The following NFIA variants were observed in gnomAD, a reference collection of about 807,000 sequenced individuals.
The protein encoded by NFIA is nuclear factor I A.
In NFIA, 8 loss-of-function variants were observed where a neutral mutation model predicts 62.8. That is an observed-to-expected ratio of 0.13 (90% CI 0.07 to 0.23). NFIA has a LOEUF of 0.23. NFIA is among the 10% of genes least tolerant of loss of function. NFIA has a pLI of 1.00. For synonymous variants in NFIA, 235 were observed against 238.1 expected (o/e 0.99, Z 0.12); for missense variants, 410 against 642.1 (o/e 0.64, Z 3.91).
intron 10 of NFIA, among the ~76,000 whole-genome samples, chr1:61,451,219 T>C (rs968224492): frequency 5.3e-5 from 8 of 152,294 alleles, no homozygotes; most frequent in Admixed American, 5.2e-4. Flanking sequence ...CCCAGCGGAA[T>C]GGGATTCGAA....
intron 1 of NFIA, 122 bp downstream of exon 1, chr1:61,082,940 G>T: frequency 1.1e-6 from 1 of 896,200 alleles, no homozygotes; most frequent in Admixed American, 4.6e-5. Context: ...CTCGGTGTGT[G>T]TCTGTGTCTG....
At chr1:61,175,292 C>T (rs1199466777) in intron 2 of NFIA, among the ~76,000 whole-genome samples, 1 of 152,072 alleles carries the variant, frequency 6.6e-6, no homozygotes, top group Non-Finnish European at 1.5e-5. Context: ...CAAGCTCGCA[C>T]CACCACACCC....
Position 61,462,026 on chromosome 1 carries a change from T to TG in NFIA, c.*6706_*6707insG, listed in dbSNP as rs1337410224. 834 of 77,012 alleles carry TG rather than the reference T, an allele frequency of 0.011. 10 individuals are homozygous for TG. The highest frequency in any genetic ancestry group is 0.03 in the African/African-American group (787 of 25,952). 4.8% of individuals were successfully genotyped at this position (77,012 alleles called of 1,614,324 possible). ...AGTCTGTAAGTTAGCCTTTTTGGGT[T>TG]TTTTTTTTTTTTTTTTGGCTTTTTT... On this transcript the variant is annotated 3_prime_UTR_variant, in exon 11 of 11. Transcript: ENST00000403491.
chr1:61,199,981 C>CGAGA (rs1652308696), intron 2 of NFIA, among the ~76,000 whole-genome samples: 1 of 121,360 alleles, frequency 8.2e-6, no homozygotes, highest in Non-Finnish European at 1.7e-5. Context: ...CACGACAGAG[C>CGAGA]GAGACTCCAA....
At chr1:61,358,872 G>A (rs764978788) in intron 5 of NFIA, among the ~76,000 whole-genome samples, 14 of 152,272 alleles carry the variant, frequency 9.2e-5, no homozygotes, top group Non-Finnish European at 1.9e-4. Flanking sequence ...AGAGCCAGCC[G>A]CTTATTCCTC....
At chr1:61,380,720 T>G (rs1319885150) in intron 6 of NFIA, among the ~76,000 whole-genome samples, 1 of 152,190 alleles carries the variant, frequency 6.6e-6, no homozygotes, top group Non-Finnish European at 1.5e-5. Flanking sequence ...TTGAGATTCA[T>G]GACAGCCTTA....
intron 1 of NFIA, among the ~76,000 whole-genome samples, chr1:61,087,490 T>G (rs1408814641): frequency 6.6e-6 from 1 of 152,156 alleles, no homozygotes; most frequent in Non-Finnish European, 1.5e-5. Context: ...ATCCTTCTTT[T>G]GTATATGAAC....
chr1:61,129,397 G>T (rs1647034422), intron 2 of NFIA, among the ~76,000 whole-genome samples: 1 of 151,058 alleles, frequency 6.6e-6, no homozygotes. Flanking sequence ...GATGGTTTCT[G>T]TGCAACTGAA....
At chr1:61,334,577 A>G (rs189503049) in intron 4 of NFIA, among the ~76,000 whole-genome samples, 41,157 of 69,498 alleles carry the variant, frequency 0.59, 11,653 homozygotes, top group East Asian at 0.76. Flanking sequence ...ATATATATAT[A>G]TATATATATA....
rs561838383 is a variant in NFIA at position 61,367,871 on chromosome 1, T to C, written c.946+8597T>C. On this transcript the variant is annotated intron_variant, in intron 6 of 10. Coordinates refer to ENST00000403491, the MANE Select transcript of NFIA (RefSeq NM_001134673.4). ...TGATCCAGAAAACTGTTTGGATTCCTGAAGCCTCTAGTACCTGGCGACTTA... is the reference window on the plus strand; with the variant it reads ...TGATCCAGAAAACTGTTTGGATTCCCGAAGCCTCTAGTACCTGGCGACTTA... 2.6e-5 allele frequency among the ~76,000 whole-genome samples: 4 copies of C among 152,292 alleles called. No homozygotes were observed. The South Asian group carries it at 8.3e-4, about 32-fold the overall frequency.
intron 2 of NFIA, among the ~76,000 whole-genome samples, chr1:61,187,434 T>C (rs1355682063): frequency 1.3e-5 from 2 of 152,222 alleles, no homozygotes; most frequent in Non-Finnish European, 2.9e-5. Flanking sequence ...ACTCTTCTCG[T>C]TTTATATTTC....
chr1:61,408,581 A>G (rs977158118), intron 9 of NFIA, among the ~76,000 whole-genome samples: 12 of 152,152 alleles, frequency 7.9e-5, no homozygotes, highest in Non-Finnish European at 1.3e-4. Flanking sequence ...GCATAGTAAT[A>G]TGCAATCAAT....
At chr1:61,138,988 G>A (rs957432901) in intron 2 of NFIA, among the ~76,000 whole-genome samples, 62 of 151,572 alleles carry the variant, frequency 4.1e-4, no homozygotes, top group Non-Finnish European at 6.6e-4. Context: ...CCAGGAGATC[G>A]AGACCAGCCT....
chr1:61,383,306 C>T lies in NFIA; in HGVS notation c.1016C>T (p.Thr339Ile). 6.2e-7 allele frequency: 1 copy of T among 1,614,050 alleles called. No individual in the cohort carries two copies. The highest frequency in any genetic ancestry group is 8.5e-7 in the Non-Finnish European group (1 of 1,179,938). Residue 339 changes from threonine to isoleucine, a missense_variant, in exon 7 of 11, where the codon ACC (threonine) becomes ATC (isoleucine). Thr to Ile is a moderately conservative substitution (Grantham distance 89). Transcript: ENST00000403491. The stretch of plus-strand genomic sequence containing the variant: ...TTCAGCAGCCCCTCCCCTTCACAGA[C>T]CTCCTCCCTGGGAACGGCGTTCACA... ...SGFSSPSPSQ[T>I]SSLGTAFTQH...
intron 2 of NFIA, among the ~76,000 whole-genome samples, chr1:61,230,520 T>G (rs1331274894): frequency 6.6e-6 from 1 of 152,184 alleles, no homozygotes; most frequent in Non-Finnish European, 1.5e-5. Flanking sequence ...CTACCCTATG[T>G]TTCCTTCAAT....
intron 2 of NFIA, among the ~76,000 whole-genome samples, chr1:61,114,069 T>C (rs961910790): frequency 3.3e-5 from 5 of 152,138 alleles, no homozygotes; most frequent in African/African-American, 9.7e-5. Context: ...TTATAAATCA[T>C]GATGGTTTTT....
chr1:61,122,550 AC>A (rs1646904913), intron 2 of NFIA, among the ~76,000 whole-genome samples: 1 of 152,172 alleles, frequency 6.6e-6, no homozygotes, highest in Admixed American at 6.5e-5. Context: ...CTAATCCCAA[AC>A]AAAGGAGTTG....
intron 1 of NFIA, among the ~76,000 whole-genome samples, chr1:61,084,322 C>A (rs192551878): frequency 2.5e-4 from 38 of 152,240 alleles, no homozygotes; most frequent in African/African-American, 8.9e-4. Flanking sequence ...GGTATTTGAT[C>A]TCAGAAGACT....
At chr1:61,408,904 C>T (rs115460367) in intron 9 of NFIA, among the ~76,000 whole-genome samples, 3,530 of 152,310 alleles carry the variant, frequency 0.023, 53 homozygotes, top group Non-Finnish European at 0.037. Flanking sequence ...AGACTCCAGG[C>T]TTGGGTAATG....
Sources: allele counts gnomAD v4.1 joint callset (sites outside exome capture counted in the v4.1 genomes callset), GRCh38; gene constraint gnomAD v4.1.1; transcripts MANE v1.5; gene names NCBI Gene and HGNC (gene_info 2026-07-23, HGNC 2026-07-21).